Variants in ATP2C2 observed in about 807,000 individuals in gnomAD.
The protein encoded by ATP2C2 is calcium-transporting ATPase type 2C member 2.
Under a neutral mutation model 110.8 loss-of-function variants are expected in ATP2C2, and 171 were observed. The observed-to-expected ratio is 1.54, with a 90% CI of 1.36 to 1.75. The LOEUF (loss-of-function observed/expected upper bound fraction) is 1.75, where lower values mean the gene tolerates loss of function less well. Ranked by LOEUF, ATP2C2 falls within the 40% of genes most tolerant of loss-of-function variation. The pLI is 0.00. For missense variants in ATP2C2, 1,963 were observed against 1,235.0 expected (o/e 1.59, Z -8.84); for synonymous variants, 804 against 508.4 (o/e 1.58, Z -7.82).
intron 2 of ATP2C2, 84 bp downstream of exon 2, chr16:84,398,693 TTGAAATTC>T: frequency 1.9e-6 from 2 of 1,077,186 alleles, no homozygotes; most frequent in Non-Finnish European, 2.6e-6. Flanking sequence ...GAACAGTGCT[TTGAAATTC>T]TGTGTTATTA....
At chr16:84,400,796 T>C (rs572532091) in intron 2 of ATP2C2, among the ~76,000 whole-genome samples, 22 of 152,336 alleles carry the variant, frequency 1.4e-4, no homozygotes, top group African/African-American at 4.8e-4. Context: ...CATTGTAGTT[T>C]TGATTTGCAT....
Position 84,415,607 on chromosome 16 carries a change from C to T in ATP2C2, c.624+16C>T, listed in dbSNP as rs745387773. ...ACTCACTGAGGTGAGTGGTTCCAAA[C>T]CCTTGTCAATGGGGTATTTGATGGA... On this transcript the variant is annotated intron_variant, in intron 7 of 26. Coordinates refer to ENST00000262429, the MANE Select transcript of ATP2C2 (RefSeq NM_014861.4). 20 of 1,594,452 alleles carry T rather than the reference C, an allele frequency of 1.3e-5. 1 individual carries two copies. In the Middle Eastern group the frequency reaches 2.3e-3, roughly 186 times the overall value.
chr16:84,431,179 T>C (rs192309655), intron 11 of ATP2C2, among the ~76,000 whole-genome samples: 2 of 152,196 alleles, frequency 1.3e-5, no homozygotes, highest in East Asian at 3.9e-4. Context: ...TACAAAGGAA[T>C]AACTGCCGAG....
rs149293999 is a variant in ATP2C2 at position 84,459,377 on chromosome 16, C to T, written c.2324C>T (p.Pro775Leu). Residue 775 changes from proline (P) to leucine (L), a missense_variant, in exon 23 of 27, where the codon CCG becomes CTG. Pro to Leu is a moderately conservative substitution (Grantham distance 98, BLOSUM62 -3). Coordinates refer to ENST00000262429, the MANE Select transcript of ATP2C2 (RefSeq NM_014861.4). ...LWINIIMDGP[P>L]AQSLGVEPVD... The stretch of plus-strand genomic sequence containing the variant: ...ATCAACATCATCATGGATGGGCCAC[C>T]GGCGCAGAGGTGAGGCAGGGCCGGC... The T allele has an allele frequency of 3.8e-5, 61 of 1,614,060 alleles. No homozygotes were observed. Among genetic ancestry groups the T allele is most frequent in the Middle Eastern group, 1.7e-4 (1 of 6,060 alleles).
intron 11 of ATP2C2, among the ~76,000 whole-genome samples, chr16:84,432,297 T>C (rs1908349122): frequency 6.6e-6 from 1 of 152,190 alleles, no homozygotes; most frequent in African/African-American, 2.4e-5. Context: ...CTTTAAGTTC[T>C]AGGATACATG....
At chr16:84,402,897 G>A (rs1467223723) in intron 2 of ATP2C2, among the ~76,000 whole-genome samples, 1 of 152,170 alleles carries the variant, frequency 6.6e-6, no homozygotes, top group South Asian at 2.1e-4. Context: ...ATTCAGCAGT[G>A]AAGCCACTGG....
chr16:84,411,914 C>CT (rs1202893764), intron 6 of ATP2C2, among the ~76,000 whole-genome samples: 3 of 151,870 alleles, frequency 2.0e-5, no homozygotes, highest in Non-Finnish European at 4.4e-5. Flanking sequence ...CAGCTTTTTC[C>CT]TTTTTCTTTT....
At chr16:84,461,406 A>C (rs1007460656) in intron 24 of ATP2C2, 4 of 504,768 alleles carry the variant, frequency 7.9e-6, no homozygotes, top group Non-Finnish European at 1.4e-5. Context: ...AATGACCTTC[A>C]CTCTGGGTTT....
At chr16:84,413,908 C>T (rs946592737) in intron 6 of ATP2C2, among the ~76,000 whole-genome samples, 22 of 152,102 alleles carry the variant, frequency 1.4e-4, no homozygotes, top group African/African-American at 4.6e-4. Context: ...GGGGAGGCCT[C>T]GGCCTTTGGG....
chr16:84,455,091 C>A (rs965338036), intron 21 of ATP2C2, 107 bp downstream of exon 21: 1 of 1,391,272 alleles, frequency 7.2e-7, no homozygotes, highest in Admixed American at 2.3e-5. Context: ...TCGCGGAGTC[C>A]CCAGGGAGAG....
chr16:84,430,815 C>G (rs1908208788), intron 11 of ATP2C2, among the ~76,000 whole-genome samples: 1 of 151,990 alleles, frequency 6.6e-6, no homozygotes, highest in Non-Finnish European at 1.5e-5. Context: ...CAGGCTTACA[C>G]TAGCACAACT....
In ATP2C2 at chr16:84,368,686, C is replaced by T. The variant is rs1274133156; in HGVS notation, c.71C>T (p.Ala24Val). 1.9e-6 allele frequency: 3 copies of T among 1,552,772 alleles called. No homozygotes were observed. Among genetic ancestry groups the T allele is most frequent in the South Asian group, 1.2e-5 (1 of 85,684 alleles). Residue 24 changes from alanine (A) to valine (V), a missense_variant, in exon 1 of 27, where the codon GCG (alanine) becomes GTG (valine). Coordinates refer to ENST00000262429, the MANE Select transcript of ATP2C2 (RefSeq NM_014861.4). The part of the protein sequence containing the change: ...GFSGGGRQYQ[A>V]LEKDEEEALI... ...TCGGGCGGGGGCCGCCAGTACCAGG[C>T]GCTGGAGAAGGACGAAGAGGAAGCC...
At chr16:84,406,180 C>T (rs556835104) in intron 3 of ATP2C2, among the ~76,000 whole-genome samples, 6 of 152,238 alleles carry the variant, frequency 3.9e-5, no homozygotes, top group African/African-American at 7.2e-5. Flanking sequence ...GGTGCTGGCG[C>T]GGTGCTGAAT....
rs751703294 is a variant in ATP2C2 at position 84,454,860 on chromosome 16, G to A, written c.2023G>A (p.Gly675Arg). Residue 675 changes from glycine (G) to arginine (R), a missense_variant, in exon 21 of 27, where the codon GGG (glycine) becomes AGG (arginine). Gly to Arg is a moderately radical substitution (Grantham distance 125). Coordinates refer to ENST00000262429, the MANE Select transcript of ATP2C2 (RefSeq NM_014861.4). The stretch of plus-strand genomic sequence containing the variant: ...GGCGATCGTGGCCATGACTGGGGAT[G>A]GGGTGAACGACGCAGTGGCCCTGAA... ...SGAIVAMTGD[G>R]VNDAVALKSA... 2 of 1,613,628 alleles carry A rather than the reference G, an allele frequency of 1.2e-6. No individual in the cohort carries two copies. The highest frequency in any genetic ancestry group is 1.7e-6 in the Non-Finnish European group (2 of 1,179,734).
intron 1 of ATP2C2, among the ~76,000 whole-genome samples, chr16:84,389,518 C>T (rs973983744): frequency 6.6e-6 from 1 of 152,162 alleles, no homozygotes; most frequent in East Asian, 1.9e-4. Flanking sequence ...ACTGGAAAAT[C>T]ATCTGGTGTT....
chr16:84,392,609 C>T (rs987218426), intron 1 of ATP2C2, among the ~76,000 whole-genome samples: 8 of 152,256 alleles, frequency 5.3e-5, no homozygotes, highest in Middle Eastern at 3.4e-3. Flanking sequence ...ATTACAGGTG[C>T]CCGCCACCAC....
At chr16:84,398,831 G>A (rs781330485) in intron 2 of ATP2C2, among the ~76,000 whole-genome samples, 3 of 152,170 alleles carry the variant, frequency 2.0e-5, no homozygotes, top group Non-Finnish European at 4.4e-5. Context: ...GGAAGACGGC[G>A]TCCTTTGAGA....
At chr16:84,423,035 G>C (rs959661518) in intron 9 of ATP2C2, among the ~76,000 whole-genome samples, 153 bp from the exon 10 acceptor site, 3 of 152,132 alleles carry the variant, frequency 2.0e-5, no homozygotes, top group African/African-American at 7.2e-5. Context: ...AATACGCACA[G>C]GTCTTCAGTG....
intron 6 of ATP2C2, among the ~76,000 whole-genome samples, chr16:84,411,240 G>T (rs978206685): frequency 1.4e-4 from 22 of 152,274 alleles, no homozygotes; most frequent in African/African-American, 5.1e-4. Context: ...CTCAGCAGCT[G>T]CAACAGCCTC....
Sources: gnomAD v4.1 joint callset for allele counts (sites outside exome capture counted in the v4.1 genomes callset) on GRCh38, gnomAD v4.1.1 for gene constraint, MANE v1.5 for transcripts, NCBI Gene and HGNC (gene_info 2026-07-23, HGNC 2026-07-21) for gene names.